The following PTPRG variants were observed in gnomAD, a reference collection of about 807,000 sequenced individuals.
The protein encoded by PTPRG is protein tyrosine phosphatase receptor type G.
PTPRG carries 102 observed loss-of-function variants against 165.3 expected under a neutral mutation model. The observed-to-expected ratio is 0.62, with a 90% confidence interval of 0.53 to 0.73. The LOEUF (loss-of-function observed/expected upper bound fraction) is 0.73, where lower values mean the gene tolerates loss of function less well. Ranked by LOEUF, PTPRG falls within the 30% of genes least tolerant of loss-of-function variation. The pLI is 0.00. For missense variants in PTPRG, 1,866 were observed against 1,861.4 expected (o/e 1.00, Z -0.05); for synonymous variants, 675 against 669.5 (o/e 1.01, Z -0.13).
At chr3:62,235,081 T>C (rs1700998910) in intron 14 of PTPRG, among the ~76,000 whole-genome samples, 1 of 152,190 alleles carries the variant, frequency 6.6e-6, no homozygotes, top group Admixed American at 6.5e-5. Context: ...AATAAGGAGT[T>C]GCCAAGAGGC....
At chr3:62,111,245 C>G (rs1267850874) in intron 5 of PTPRG, among the ~76,000 whole-genome samples, 1 of 152,208 alleles carries the variant, frequency 6.6e-6, no homozygotes, top group Non-Finnish European at 1.5e-5. Flanking sequence ...AGCTCGGAAA[C>G]TGTTGGTGAA....
intron 1 of PTPRG, among the ~76,000 whole-genome samples, chr3:61,708,444 T>C (rs1293379000): frequency 1.8e-5 from 1 of 55,728 alleles, no homozygotes; most frequent in Admixed American, 2.1e-4. Context: ...TCTGCAAATC[T>C]TTTTTTTTTT....
intron 2 of PTPRG, among the ~76,000 whole-genome samples, chr3:61,821,455 C>G (rs1222287618): frequency 6.6e-6 from 1 of 152,170 alleles, no homozygotes; most frequent in Non-Finnish European, 1.5e-5. Flanking sequence ...AGGCGTGAGC[C>G]ACCGCGCACT....
At chr3:62,099,952 C>T (rs1448550786) in intron 5 of PTPRG, among the ~76,000 whole-genome samples, 1 of 151,914 alleles carries the variant, frequency 6.6e-6, no homozygotes, top group Non-Finnish European at 1.5e-5. Flanking sequence ...GCGTGCACCA[C>T]CAAGCCCGGC....
chr3:62,058,242 C>T (rs1213448215), intron 4 of PTPRG, among the ~76,000 whole-genome samples: 2 of 152,188 alleles, frequency 1.3e-5, no homozygotes, highest in Admixed American at 6.5e-5. Context: ...CATTCCTAAC[C>T]TCACCTTAAT....
intron 6 of PTPRG, among the ~76,000 whole-genome samples, chr3:62,152,664 A>G (rs199815343): frequency 6.7e-6 from 1 of 148,884 alleles, no homozygotes. Flanking sequence ...TTCGACTTGA[A>G]CTGAGATGGG....
intron 5 of PTPRG, among the ~76,000 whole-genome samples, chr3:62,129,206 A>C (rs1020142896): frequency 2.6e-5 from 4 of 152,166 alleles, no homozygotes; most frequent in Non-Finnish European, 4.4e-5. Context: ...GAGAAGCTGT[A>C]ATCAGAAGTG....
intron 2 of PTPRG, among the ~76,000 whole-genome samples, chr3:61,889,597 T>C (rs2038151870): frequency 6.6e-6 from 1 of 152,228 alleles, no homozygotes; most frequent in Non-Finnish European, 1.5e-5. Context: ...GCTGTTGTTA[T>C]TATTTCTGGT....
intron 2 of PTPRG, among the ~76,000 whole-genome samples, chr3:61,924,651 G>A (rs1406562564): frequency 6.6e-6 from 1 of 152,214 alleles, no homozygotes; most frequent in Admixed American, 6.5e-5. Flanking sequence ...CAGAAGATGG[G>A]ATGAAGTATT....
chr3:61,973,992 T>C (rs2040443044), intron 2 of PTPRG, among the ~76,000 whole-genome samples: 1 of 152,056 alleles, frequency 6.6e-6, no homozygotes, highest in African/African-American at 2.4e-5. Flanking sequence ...TTTTTCATGG[T>C]ATTAGTGATA....
At chr3:62,135,252 C>CA (rs1359384529) in intron 6 of PTPRG, among the ~76,000 whole-genome samples, 1 of 140,430 alleles carries the variant, frequency 7.1e-6, no homozygotes, top group Non-Finnish European at 1.5e-5. Flanking sequence ...GCCTGGGTGA[C>CA]AGAGTGAGAT....
intron 2 of PTPRG, among the ~76,000 whole-genome samples, chr3:61,976,127 G>A (rs1465535192): frequency 2.0e-5 from 3 of 152,112 alleles, no homozygotes; most frequent in African/African-American, 7.2e-5. Context: ...ATGCATTTCA[G>A]CGAGATCCTT....
At chr3:62,170,983 A>C (rs957651495) in intron 8 of PTPRG, among the ~76,000 whole-genome samples, 4 of 152,064 alleles carry the variant, frequency 2.6e-5, no homozygotes, top group Non-Finnish European at 5.9e-5. Context: ...CCAGAAATTC[A>C]CTTAGCCTGT....
chr3:61,692,129 G>A (rs1307206728), intron 1 of PTPRG, among the ~76,000 whole-genome samples: 2 of 152,188 alleles, frequency 1.3e-5, no homozygotes, highest in Admixed American at 1.3e-4. Flanking sequence ...TTCTCCTTAA[G>A]GATTCAGCTG....
At chr3:61,781,054 T>C (rs2034531074) in intron 2 of PTPRG, among the ~76,000 whole-genome samples, 1 of 152,236 alleles carries the variant, frequency 6.6e-6, no homozygotes, top group African/African-American at 2.4e-5. Flanking sequence ...TAATTTCACA[T>C]GACTTGAGAG....
intron 1 of PTPRG, among the ~76,000 whole-genome samples, chr3:61,718,925 T>C (rs1275863392): frequency 6.6e-6 from 1 of 150,432 alleles, no homozygotes; most frequent in Non-Finnish European, 1.5e-5. Context: ...TGAAAGGGGA[T>C]AAACAATCGA....
At chr3:61,919,066 G>A (rs1451770767) in intron 2 of PTPRG, among the ~76,000 whole-genome samples, 1 of 152,166 alleles carries the variant, frequency 6.6e-6, no homozygotes, top group Non-Finnish European at 1.5e-5. Flanking sequence ...TGCCTAAAAT[G>A]TTCCCAAAAG....
At chr3:62,038,761 A>C (rs1189162409) in intron 4 of PTPRG, among the ~76,000 whole-genome samples, 1 of 152,116 alleles carries the variant, frequency 6.6e-6, no homozygotes, top group East Asian at 1.9e-4. Flanking sequence ...ACATATATGG[A>C]GATATATATA....
rs115141513 is a variant in PTPRG, at chr3:62,242,803, G to A, written c.2376-1004G>A. ...TTGACTTATCTGGTAGTTGGAATAC[G>A]GGCCCCAGAAAAAGCAAAGCTGTAA... On this transcript the variant is annotated intron_variant, in intron 14 of 29. Transcript: ENST00000474889. Among the ~76,000 whole-genome samples, 1,223 of 152,216 alleles carry A rather than the reference G, an allele frequency of 8.0e-3. 20 individuals carry two copies. Among genetic ancestry groups the A allele is most frequent in the African/African-American group, 0.028 (1,180 of 41,518 alleles).
Sources: gnomAD v4.1 joint callset for allele counts (sites outside exome capture counted in the v4.1 genomes callset) on GRCh38, gnomAD v4.1.1 for gene constraint, MANE v1.5 for transcripts, NCBI Gene and HGNC (gene_info 2026-07-23, HGNC 2026-07-21) for gene names.